The following AFF2 variants were observed in gnomAD, a reference collection of about 807,000 sequenced individuals.
The protein encoded by AFF2 is AF4/FMR2 family member 2.
Under a neutral mutation model 76.9 loss-of-function variants are expected in AFF2, and 14 were observed. The observed-to-expected ratio is 0.18, with a 90% CI of 0.12 to 0.28. The LOEUF (loss-of-function observed/expected upper bound fraction) is 0.28. Among genes scored for constraint, AFF2 ranks in the 10% least tolerant of loss-of-function variants. AFF2 has a pLI of 1.00. For missense variants in AFF2, 868 were observed against 1,001.1 expected (o/e 0.87, Z 1.79); for synonymous variants, 398 against 366.7 (o/e 1.09, Z -0.98).
intron 20 of AFF2, 81 bp from the exon 21 acceptor site, chrX:148,991,130 G>A: frequency 1.0e-6 from 1 of 979,506 alleles, no homozygotes; most frequent in East Asian, 3.3e-5. Flanking sequence ...TTGTGGTGTT[G>A]TGTGAAAGCA....
intron 9 of AFF2, among the ~76,000 whole-genome samples, chrX:148,914,492 A>G (rs782298977): frequency 8.0e-5 from 9 of 112,023 alleles, no homozygotes; most frequent in Non-Finnish European, 1.7e-4. Flanking sequence ...GGATTCTTTT[A>G]TTCTAGAAAG....
intron 1 of AFF2, among the ~76,000 whole-genome samples, chrX:148,583,754 A>G (rs1012712102): frequency 8.9e-5 from 10 of 111,795 alleles, no homozygotes; most frequent in Admixed American, 1.9e-4. Flanking sequence ...TTCCGTATTT[A>G]TAACTCCTTT....
At chrX:148,921,874 CAAG>C (rs1557283251) in intron 9 of AFF2, among the ~76,000 whole-genome samples, 1 of 112,076 alleles carries the variant, frequency 8.9e-6, no homozygotes, top group Non-Finnish European at 1.9e-5. Context: ...ACTTGCAAAA[CAAG>C]GAGGTGGTGT....
chrX:148,781,024 G>A (rs2124611826), intron 3 of AFF2, among the ~76,000 whole-genome samples: 1 of 112,004 alleles, frequency 8.9e-6, no homozygotes, highest in South Asian at 3.7e-4. Flanking sequence ...AGATCTGCTG[G>A]AGTTTGCTGG....
chrX:148,814,092 C>T (rs975964818), intron 4 of AFF2, among the ~76,000 whole-genome samples: 1 of 112,052 alleles, frequency 8.9e-6, no homozygotes, highest in African/African-American at 3.2e-5. Flanking sequence ...CACGTGCAAA[C>T]GGAAATGAAA....
intron 4 of AFF2, among the ~76,000 whole-genome samples, chrX:148,820,732 C>G (rs958446933): frequency 1.1e-4 from 12 of 111,362 alleles, no homozygotes; most frequent in Admixed American, 4.8e-4. Flanking sequence ...ATTTATATTA[C>G]TTTCATAAAA....
chrX:148,772,540 TTC>T (rs2069601717), intron 3 of AFF2, among the ~76,000 whole-genome samples: 1 of 46,184 alleles, frequency 2.2e-5, no homozygotes, highest in Non-Finnish European at 3.6e-5. Context: ...CTTTCTTTCT[TTC>T]TTTTTTTTTT....
rs566177042 is a variant in AFF2, at chrX:148,709,802, T to C, written c.1041+47034T>C. ...CTGAAGTCAGGAAGGCATTATTACT[T>C]ATCTCGCTTCAATTGTCTGTCCTGT... is the stretch of plus-strand genomic sequence containing the variant. On this transcript the variant is annotated intron_variant, in intron 3 of 20. Coordinates refer to ENST00000370460, the MANE Select transcript of AFF2 (RefSeq NM_002025.4). Among the ~76,000 whole-genome samples the C allele has an allele frequency of 2.6e-4, 29 of 112,009 alleles. No individual in the cohort carries two copies. In the South Asian group the frequency reaches 0.01, roughly 39 times the overall value.
intron 9 of AFF2, among the ~76,000 whole-genome samples, chrX:148,931,728 T>C (rs1471578374): frequency 9.0e-6 from 1 of 111,705 alleles, no homozygotes; most frequent in African/African-American, 3.3e-5. Context: ...TTTCTGAAAA[T>C]GCATTGGGAA....
Position 148,998,497 on chromosome X carries a change from A to C in AFF2, c.*7165A>C, listed in dbSNP as rs1435286274. On this transcript the variant is annotated 3_prime_UTR_variant, in exon 21 of 21. Transcript: ENST00000370460. ...ACTGCATTATTACATGGCAGTATAA[A>C]TATTAGTCTGTTGAATTCATTTGTC... 8.9e-6 allele frequency: 1 copy of C among 112,533 alleles called. No homozygotes were observed. The highest frequency in any genetic ancestry group is 1.9e-5 in the Non-Finnish European group (1 of 53,277). 9.3% of individuals were successfully genotyped at this position (112,533 alleles called of 1,213,427 possible).
At chrX:148,585,518 G>A (rs145136770) in intron 1 of AFF2, among the ~76,000 whole-genome samples, 1,251 of 111,534 alleles carry the variant, frequency 0.011, 12 homozygotes, top group African/African-American at 0.039. Context: ...AAAAGCATGA[G>A]GGCAAGGAAG....
intron 3 of AFF2, among the ~76,000 whole-genome samples, chrX:148,693,563 A>G (rs2054679535): frequency 8.9e-6 from 1 of 112,013 alleles, no homozygotes. Context: ...TAGTTCTTCT[A>G]CCACTTCTCT....
chrX:148,676,346 C>T (rs5980570), intron 3 of AFF2, among the ~76,000 whole-genome samples: 5,338 of 111,503 alleles, frequency 0.048, 325 homozygotes, highest in African/African-American at 0.17. Context: ...ACGCCCGGCC[C>T]GTGATTTTTT....
chrX:148,523,122 A>G (rs1165372933), intron 1 of AFF2, among the ~76,000 whole-genome samples: 2 of 112,401 alleles, frequency 1.8e-5, no homozygotes, highest in African/African-American at 6.5e-5. Context: ...GGAAAGTGAG[A>G]TATTTATGGT....
Position 148,669,983 on chromosome X carries a change from A to G in AFF2, c.1041+7215A>G, listed in dbSNP as rs782556877. ...TGCTAGTCCATCCCCTGGTAGTTGCATTTTGTTTATGCTTTTTTACTAACT... is the reference window on the plus strand; with the variant it reads ...TGCTAGTCCATCCCCTGGTAGTTGCGTTTTGTTTATGCTTTTTTACTAACT... On this transcript the variant is annotated intron_variant, in intron 3 of 20. Coordinates refer to ENST00000370460, the MANE Select transcript of AFF2 (RefSeq NM_002025.4). 2.7e-5 allele frequency among the ~76,000 whole-genome samples: 3 copies of G among 111,331 alleles called. No individual in the cohort carries two copies. The East Asian group carries it at 8.5e-4, about 32-fold the overall frequency.
chrX:148,742,808 C>T (rs1472268907), intron 3 of AFF2, among the ~76,000 whole-genome samples: 1 of 112,077 alleles, frequency 8.9e-6, no homozygotes, highest in East Asian at 2.8e-4. Flanking sequence ...CCATTTCCTT[C>T]ATAAACTCTT....
chrX:148,937,552 G>A (rs2071788104), intron 9 of AFF2, among the ~76,000 whole-genome samples: 1 of 112,307 alleles, frequency 8.9e-6, no homozygotes, highest in Non-Finnish European at 1.9e-5. Flanking sequence ...AAATGATACT[G>A]TTTTGGCTTC....
At position 148,962,754 on chromosome X, in the gene AFF2, A is replaced by C; in HGVS notation, c.2730A>C (p.Glu910Asp). The change falls in exon 13 of 21, where the codon GAA becomes GAC. Residue 910 changes from glutamate to aspartate, a missense_variant. Physicochemically the swap from Glu to Asp is conservative, Grantham distance 45 (BLOSUM62 2). This residue lies in a region of AFF2 where 532 missense variants were observed against 564.2 expected (regional missense o/e 0.94). Coordinates refer to ENST00000370460, the MANE Select transcript of AFF2 (RefSeq NM_002025.4). ...GGAGAGCAAATAGAAGAAAGGAAGA[A>C]AAACTATTTCCTCCTCCACTTTCCC... is the stretch of plus-strand genomic sequence containing the variant. ...SSRRANRRKEEKLFPPPLSPL... is the reference protein window; with the variant it reads ...SSRRANRRKEDKLFPPPLSPL... 8.3e-7 allele frequency: 1 copy of C among 1,210,789 alleles called. No homozygotes were observed. The highest frequency in any genetic ancestry group is 1.1e-6 in the Non-Finnish European group (1 of 894,881).
chrX:148,684,102 GT>G lies in AFF2; in HGVS notation c.1041+21339del, dbSNP rs782573885. Among the ~76,000 whole-genome samples the G allele has an allele frequency of 4.5e-5, 5 of 112,024 alleles. No individual in the cohort carries two copies. In the East Asian group the frequency reaches 1.4e-3, roughly 31 times the overall value. On this transcript the variant is annotated intron_variant, in intron 3 of 20. Coordinates refer to ENST00000370460, the MANE Select transcript of AFF2 (RefSeq NM_002025.4). Reference sequence around the variant, plus strand: ...AATCTAGGTCTGAAAGGCATTAAAAGTTTTTAAAGTGTCGTCATTAGAGAAG... The same window carrying G: ...AATCTAGGTCTGAAAGGCATTAAAAGTTTTAAAGTGTCGTCATTAGAGAAG...
Sources: allele counts gnomAD v4.1 joint callset (sites outside exome capture counted in the v4.1 genomes callset), GRCh38; gene constraint gnomAD v4.1.1; regional missense constraint gnomAD v4.1.1; transcripts MANE v1.5; gene names NCBI Gene and HGNC (gene_info 2026-07-23, HGNC 2026-07-21).